ADNP: variants seen among roughly 807,000 people sequenced by gnomAD.
ADNP encodes activity dependent neuroprotector homeobox, also known as activity-dependent neuroprotector homeobox protein.
A neutral mutation model predicts 84.9 loss-of-function variants in ADNP; 4 were observed. The ratio of observed to expected loss-of-function variants is 0.05; its 90% CI spans 0.02 to 0.11. The LOEUF is 0.11. Ranked by LOEUF, ADNP falls within the 10% of genes least tolerant of loss-of-function variation. ADNP has a pLI of 1.00. For missense variants in ADNP, 1,132 were observed against 1,326.0 expected, an observed-to-expected ratio of 0.85 and a Z score of 2.27; for synonymous variants, 554 against 468.1, an observed-to-expected ratio of 1.18 and a Z score of -2.37.
intron 2 of ADNP, among the ~76,000 whole-genome samples, chr20:50,911,138 A>G (rs748286195): frequency 7.2e-5 from 11 of 152,238 alleles, no homozygotes. Flanking sequence ...ATGAAAATCT[A>G]AGATTCATCT....
chr20:50,917,875 G>GA (rs968200136), intron 2 of ADNP, among the ~76,000 whole-genome samples: 4 of 152,144 alleles, frequency 2.6e-5, no homozygotes, highest in African/African-American at 9.7e-5. Context: ...ATTGAACCAT[G>GA]AAAAAGAATA....
chr20:50,898,293 AC>A (rs1314894725), intron 5 of ADNP, among the ~76,000 whole-genome samples: 2 of 152,088 alleles, frequency 1.3e-5, no homozygotes, highest in Non-Finnish European at 2.9e-5. Flanking sequence ...TGTTTACACC[AC>A]CCAGAACTAG....
chr20:50,898,780 C>A (rs1251023579), intron 5 of ADNP, among the ~76,000 whole-genome samples: 1 of 152,170 alleles, frequency 6.6e-6, no homozygotes, highest in Non-Finnish European at 1.5e-5. Flanking sequence ...TGAACACAAG[C>A]TGTATGAGGC....
chr20:50,893,584 G>A lies in ADNP; in HGVS notation c.1130C>T (p.Ser377Phe), dbSNP rs146770784. Residue 377 changes from serine to phenylalanine, a missense_variant, in exon 6 of 6, where the codon TCT becomes TTT. By Grantham distance (155) the Ser-to-Phe change is radical. Around this residue, in one of 10 missense-constraint regions of ADNP, gnomAD observed 239 missense variants for 213.2 expected, o/e 1.12. Transcript: ENST00000621696. The surrounding 1 kb of genome is among the most constrained non-coding windows in gnomAD (Gnocchi z 4.4). ...KQLLPSGNGRSYGLGSEQRSQ... is the reference protein window; with the variant it reads ...KQLLPSGNGRFYGLGSEQRSQ... ...CCTCTGCTCTGACCCAAGCCCATAA[G>A]ACCTTCCGTTTCCACTTGGAAGTAA... 1.2e-6 allele frequency: 2 copies of A among 1,613,994 alleles called. No individual in the cohort carries two copies. Among genetic ancestry groups the A allele is most frequent in the African/African-American group, 1.3e-5 (1 of 74,908 alleles).
chr20:50,889,972 A>C lies in ADNP; in HGVS notation c.*1433T>G. ...TTTAACTTCATCTAGAAGAAAAAAC[A>C]AACAAAAAACCCATCAGGCTATTAA... is the stretch of plus-strand genomic sequence containing the variant. On this transcript the variant is annotated 3_prime_UTR_variant, in exon 6 of 6. Transcript: ENST00000621696. 2 of 395,986 alleles carry C rather than the reference A, an allele frequency of 5.1e-6. No homozygotes were observed. The highest frequency in any genetic ancestry group is 8.9e-6 in the Non-Finnish European group (2 of 225,436). The allele number at this position is 395,986 out of a possible 1,614,324, so 24.5% of individuals were successfully genotyped here.
intron 2 of ADNP, among the ~76,000 whole-genome samples, chr20:50,925,566 C>CAAAG (rs1984236371): frequency 1.3e-5 from 2 of 152,272 alleles, no homozygotes; most frequent in South Asian, 4.1e-4. Flanking sequence ...CCACAATGGG[C>CAAAG]AAAGCATGGA....
Position 50,891,265 on chromosome 20 carries a change from C to G in ADNP, c.*140G>C. ...GTCCTGTCATAGACTTAGAAATAAC[C>G]ACTGGAACTGCAGCGGCCACATGCC... On this transcript the variant is annotated 3_prime_UTR_variant, in exon 6 of 6. Coordinates refer to ENST00000621696, the MANE Select transcript of ADNP (RefSeq NM_001282531.3). 2 of 1,419,598 alleles carry G rather than the reference C, an allele frequency of 1.4e-6. No homozygotes were observed. The highest frequency in any genetic ancestry group is 3.2e-5 in the South Asian group (2 of 63,460). The allele number at this position is 1,419,598 out of a possible 1,614,324, so 87.9% of individuals were successfully genotyped here.
At position 50,891,218 on chromosome 20, in the gene ADNP, G is replaced by C; in HGVS notation, c.*187C>G. 7.5e-7 allele frequency: 1 copy of C among 1,335,226 alleles called. No individual in the cohort carries two copies. The allele number at this position is 1,335,226 out of a possible 1,614,324, so 82.7% of individuals were successfully genotyped here. A position where few individuals can be genotyped will look rare whatever the true frequency, so the allele number is the denominator to read the frequency against. ...TTTAGTTACCGTGTCTGTCAGAGAAGGTTCTGAAGCAAGAACAGCCTGTCC... is the reference window on the plus strand; with the variant it reads ...TTTAGTTACCGTGTCTGTCAGAGAACGTTCTGAAGCAAGAACAGCCTGTCC... On this transcript the variant is annotated 3_prime_UTR_variant, in exon 6 of 6. Coordinates refer to ENST00000621696, the MANE Select transcript of ADNP (RefSeq NM_001282531.3).
Position 50,894,091 on chromosome 20 carries a change from G to A in ADNP, c.623C>T (p.Ala208Val). 1 of 1,614,150 alleles carries A rather than the reference G, an allele frequency of 6.2e-7. No homozygotes were observed. The highest frequency in any genetic ancestry group is 8.5e-7 in the Non-Finnish European group (1 of 1,180,018). Residue 208 changes from alanine to valine, a missense_variant, in exon 6 of 6, where the codon GCA becomes GTA. This residue lies in a region of ADNP where 130 missense variants were observed against 183.7 expected (regional missense o/e 0.71). Transcript: ENST00000621696. ...AKAGEKSLNG[A>V]VPLGSNAREE... ...TCGGGCATTCGAGCCTAAGGGGACT[G>A]CCCCATTGAGTGATTTTTCTCCTGC...
intron 5 of ADNP, among the ~76,000 whole-genome samples, chr20:50,894,807 A>G (rs1388632574): frequency 6.6e-6 from 1 of 152,190 alleles, no homozygotes; most frequent in African/African-American, 2.4e-5. Flanking sequence ...GTGAGGCAGG[A>G]GAATCGCCTG....
intron 2 of ADNP, among the ~76,000 whole-genome samples, chr20:50,913,247 T>C (rs1417684844): frequency 1.2e-3 from 23 of 19,622 alleles, no homozygotes; most frequent in Non-Finnish European, 1.1e-4. Flanking sequence ...TGAGACTCTG[T>C]CTCAAAAAAA....
At chr20:50,912,271 C>T (rs760261036) in intron 2 of ADNP, among the ~76,000 whole-genome samples, 3 of 152,136 alleles carry the variant, frequency 2.0e-5, no homozygotes, top group African/African-American at 4.8e-5. Flanking sequence ...CTCAGCCTCT[C>T]GAGTAGCTGG....
chr20:50,916,490 C>T (rs1983519600), intron 2 of ADNP, among the ~76,000 whole-genome samples: 1 of 152,194 alleles, frequency 6.6e-6, no homozygotes, highest in Non-Finnish European at 1.5e-5. Flanking sequence ...GTTCTTCTCA[C>T]CATTCCTTCC....
chr20:50,929,689 A>G (rs1411762593), intron 1 of ADNP, among the ~76,000 whole-genome samples: 1 of 152,092 alleles, frequency 6.6e-6, no homozygotes, highest in Non-Finnish European at 1.5e-5. Context: ...GCAGATTTCT[A>G]AAGAAACTGT....
At position 50,891,865 on chromosome 20, in the gene ADNP, T is replaced by C. The variant is rs1282824691; in HGVS notation, c.2849A>G (p.His950Arg). ...GTCAACCTCACTATCAGATGCATTG[T>C]GCATTAGTTTGGTTGGTTCCTCAGT... ...HLTEEPTKLM[H>R]NASDSEVDQD... The change falls in exon 6 of 6, where the codon CAC (histidine) becomes CGC (arginine). Residue 950 changes from histidine to arginine, a missense_variant. By Grantham distance (29) the His-to-Arg change is conservative. Coordinates refer to ENST00000621696, the MANE Select transcript of ADNP (RefSeq NM_001282531.3). 28 of 1,614,132 alleles carry C rather than the reference T, an allele frequency of 1.7e-5. No individual in the cohort carries two copies. Among genetic ancestry groups the C allele is most frequent in the Non-Finnish European group, 2.4e-5 (28 of 1,180,058 alleles).
At chr20:50,914,892 A>T (rs1209167105) in intron 2 of ADNP, among the ~76,000 whole-genome samples, 1 of 152,212 alleles carries the variant, frequency 6.6e-6, no homozygotes, top group African/African-American at 2.4e-5. Context: ...GATAGGAGGA[A>T]TATTTACGTA....
chr20:50,908,602 G>A (rs542791161), intron 2 of ADNP, among the ~76,000 whole-genome samples: 39 of 152,020 alleles, frequency 2.6e-4, no homozygotes, highest in African/African-American at 8.0e-4. Context: ...GTGAAACCCC[G>A]TCTCTACTAA....
chr20:50,914,696 C>T (rs1186861434), intron 2 of ADNP, among the ~76,000 whole-genome samples: 1 of 152,176 alleles, frequency 6.6e-6, no homozygotes, highest in East Asian at 1.9e-4. Context: ...TCCGAGCATG[C>T]ACCTTGTATC....
chr20:50,910,498 G>T (rs1982925496), intron 2 of ADNP, among the ~76,000 whole-genome samples: 1 of 152,076 alleles, frequency 6.6e-6, no homozygotes, highest in Admixed American at 6.5e-5. Context: ...GAGGTGGGAG[G>T]ATCACTTGAG....
Sources: allele counts gnomAD v4.1 joint callset (sites outside exome capture counted in the v4.1 genomes callset), GRCh38; gene constraint gnomAD v4.1.1; regional missense constraint gnomAD v4.1.1; non-coding constraint Gnocchi (gnomAD v3.1); transcripts MANE v1.5; gene names NCBI Gene and HGNC (gene_info 2026-07-23, HGNC 2026-07-21).